The following TSHZ3 variants were observed in gnomAD, a reference collection of about 807,000 sequenced individuals.
TSHZ3 encodes the protein teashirt homolog 3.
In TSHZ3, 10 loss-of-function variants were observed where a neutral mutation model predicts 64.5. The ratio of observed to expected loss-of-function variants is 0.16; its 90% confidence interval spans 0.10 to 0.26. The LOEUF (loss-of-function observed/expected upper bound fraction) is 0.26, where lower values mean the gene tolerates loss of function less well. Among genes scored for constraint, TSHZ3 ranks in the 10% least tolerant of loss-of-function variants. The probability of loss-of-function intolerance (pLI) is 1.00; values close to 1 mark genes in which losing one functional copy is unlikely to be tolerated. For missense variants in TSHZ3, 1,242 were observed against 1,421.7 expected (o/e 0.87, Z 2.03); for synonymous variants, 608 against 593.1 (o/e 1.03, Z -0.36).
intron 5 of TSHZ3, among the ~76,000 whole-genome samples, chr19:31,173,823 A>AT (rs747036749): frequency 1.3e-5 from 2 of 152,150 alleles, no homozygotes; most frequent in Non-Finnish European, 2.9e-5. Context: ...TAATCCCAGC[A>AT]TTTTGGGAGG....
chr19:31,268,473 G>C (rs984270949), intron 1 of TSHZ3, among the ~76,000 whole-genome samples: 3 of 152,164 alleles, frequency 2.0e-5, no homozygotes, highest in South Asian at 2.1e-4. Context: ...GGGTAAGGCT[G>C]TCACTGGGTG....
chr19:31,164,709 C>T (rs769115405), intron 5 of TSHZ3, among the ~76,000 whole-genome samples: 3 of 152,186 alleles, frequency 2.0e-5, no homozygotes, highest in South Asian at 2.1e-4. Context: ...AAGGACGCTG[C>T]GTGCATGAAG....
At chr19:31,183,333 C>T (rs1974753182) in intron 5 of TSHZ3, among the ~76,000 whole-genome samples, 1 of 152,058 alleles carries the variant, frequency 6.6e-6, no homozygotes, top group Admixed American at 6.6e-5. Context: ...CCCTGCAAAG[C>T]CTGAAGGCAG....
chr19:31,252,436 G>A (rs1337285864), intron 1 of TSHZ3, among the ~76,000 whole-genome samples: 3 of 152,170 alleles, frequency 2.0e-5, no homozygotes, highest in African/African-American at 7.2e-5. Context: ...CTTATATCAG[G>A]TGATATGGTT....
intron 4 of TSHZ3, among the ~76,000 whole-genome samples, chr19:31,218,673 G>A (rs1228809197): frequency 6.6e-6 from 1 of 152,140 alleles, no homozygotes; most frequent in African/African-American, 2.4e-5. Context: ...TAGTTCAACG[G>A]ATGAATAAAC....
chr19:31,177,606 C>T (rs756718153), intron 5 of TSHZ3, among the ~76,000 whole-genome samples: 2 of 152,248 alleles, frequency 1.3e-5, no homozygotes, highest in South Asian at 2.1e-4. Context: ...GGAAATTCCA[C>T]GATGAGCTCC....
intron 1 of TSHZ3, among the ~76,000 whole-genome samples, chr19:31,332,021 C>A (rs57007415): frequency 0.12 from 18,189 of 152,134 alleles, 1,757 homozygotes; most frequent in African/African-American, 0.27. Context: ...CCCTTTTCCC[C>A]CTCTAACTGA....
At chr19:31,266,967 A>G (rs1251466823) in intron 1 of TSHZ3, among the ~76,000 whole-genome samples, 3 of 152,202 alleles carry the variant, frequency 2.0e-5, no homozygotes, top group Non-Finnish European at 2.9e-5. Flanking sequence ...GTCCGGCCCA[A>G]GGAAGTGCTC....
chr19:31,289,976 C>T (rs1316932359), intron 1 of TSHZ3, among the ~76,000 whole-genome samples: 2 of 151,214 alleles, frequency 1.3e-5, no homozygotes, highest in Middle Eastern at 3.4e-3. Flanking sequence ...GCCTTACACG[C>T]TGTGCCCCCT....
intron 4 of TSHZ3, among the ~76,000 whole-genome samples, chr19:31,225,534 A>G (rs1244570943): frequency 6.6e-6 from 1 of 152,174 alleles, no homozygotes; most frequent in African/African-American, 2.4e-5. Context: ...CACTTTATGG[A>G]AAAATGAGAA....
At chr19:31,152,296 G>C (rs1376501707) in intron 6 of TSHZ3, among the ~76,000 whole-genome samples, 3 of 151,894 alleles carry the variant, frequency 2.0e-5, no homozygotes, top group Non-Finnish European at 4.4e-5. Flanking sequence ...GTGTGTGTGT[G>C]TGTGTGTGTG....
At chr19:31,316,661 A>T (rs972629729) in intron 1 of TSHZ3, among the ~76,000 whole-genome samples, 15 of 152,286 alleles carry the variant, frequency 9.8e-5, no homozygotes, top group African/African-American at 3.4e-4. Flanking sequence ...AAAAAGCAAA[A>T]TTCTAAATTT....
At chr19:31,222,740 C>T (rs1263566892) in intron 4 of TSHZ3, among the ~76,000 whole-genome samples, 1 of 152,066 alleles carries the variant, frequency 6.6e-6, no homozygotes, top group Non-Finnish European at 1.5e-5. Context: ...ATTATTGAAT[C>T]CAGGTAAGTG....
rs974066110 is a variant in TSHZ3, at chr19:31,191,772, T to C, written n.809+13184A>G. On this transcript the variant is annotated intron_variant and non_coding_transcript_variant, in intron 5 of 6. Coordinates refer to the TSHZ3 transcript ENST00000651361. ...TATTTGGGAGGCTGAGGTGGGAGGA[T>C]TGCTTGAGCCCAGGAATCTGAGGCT... Among the ~76,000 whole-genome samples, 3 of 152,000 alleles carry C rather than the reference T, an allele frequency of 2.0e-5. 1 individual carries two copies. Among genetic ancestry groups the C allele is most frequent in the African/African-American group, 7.2e-5 (3 of 41,380 alleles).
In TSHZ3 at chr19:31,299,368, C is replaced by T. The variant is rs183048132; in HGVS notation, c.41-19616G>A. Among the ~76,000 whole-genome samples, 4 of 152,242 alleles carry T rather than the reference C, an allele frequency of 2.6e-5. No individual in the cohort carries two copies. The East Asian group carries it at 5.8e-4, about 22-fold the overall frequency. ...ATATCATCACCTCCCTTGGAGGGCA[C>T]GGGGAGACACAAACTATGCAAGGTA... On this transcript the variant is annotated intron_variant, in intron 1 of 1. Transcript: ENST00000240587.
At chr19:31,337,034 A>G (rs1157492769) in intron 1 of TSHZ3, among the ~76,000 whole-genome samples, 2 of 117,996 alleles carry the variant, frequency 1.7e-5, no homozygotes, top group Admixed American at 1.8e-4. Context: ...TTTTTTTTAC[A>G]GGCAACCCAG....
At chr19:31,294,330 T>A (rs1976627203) in intron 1 of TSHZ3, among the ~76,000 whole-genome samples, 2 of 152,000 alleles carry the variant, frequency 1.3e-5, no homozygotes, top group Admixed American at 6.6e-5. Context: ...CAGCTAGCAC[T>A]CAGCCAGCAC....
chr19:31,188,681 A>T (rs1974852081), intron 5 of TSHZ3, among the ~76,000 whole-genome samples: 1 of 151,940 alleles, frequency 6.6e-6, no homozygotes, highest in South Asian at 2.1e-4. Context: ...ATGATGTATT[A>T]TCCATTTTTA....
intron 1 of TSHZ3, among the ~76,000 whole-genome samples, chr19:31,262,217 C>A (rs572309131): frequency 1.3e-5 from 2 of 152,246 alleles, no homozygotes; most frequent in African/African-American, 2.4e-5. Context: ...GCCAAATAAC[C>A]CTTAAAATAT....
Sources: gnomAD v4.1 joint callset for allele counts (sites outside exome capture counted in the v4.1 genomes callset) on GRCh38, gnomAD v4.1.1 for gene constraint, MANE v1.5 for transcripts, NCBI Gene and HGNC (gene_info 2026-07-23, HGNC 2026-07-21) for gene names.